KDR: variants seen among roughly 807,000 people sequenced by gnomAD.
KDR encodes kinase insert domain receptor.
Under a neutral mutation model 160.9 loss-of-function variants are expected in KDR, and 43 were observed. That is an observed-to-expected ratio of 0.27 (90% CI 0.21 to 0.34). The LOEUF (loss-of-function observed/expected upper bound fraction) is 0.34, where lower values mean the gene tolerates loss of function less well. Ranked by LOEUF, KDR falls within the 10% of genes least tolerant of loss-of-function variation. The pLI, the probability that KDR is intolerant of heterozygous loss-of-function variation, is 1.00. For synonymous variants in KDR, 617 were observed against 600.1 expected, an observed-to-expected ratio of 1.03 and a Z score of -0.41; for missense variants, 1,469 against 1,666.4, an observed-to-expected ratio of 0.88 and a Z score of 2.06.
chr4:55,091,372 G>C (rs1344882401), intron 22 of KDR, among the ~76,000 whole-genome samples: 1 of 152,138 alleles, frequency 6.6e-6, no homozygotes, highest in Admixed American at 6.5e-5. Flanking sequence ...CGACAACCAA[G>C]TGGATTCAAG....
intron 6 of KDR, 67 bp from the exon 7 acceptor site, chr4:55,113,548 C>T (rs1720651783): frequency 7.2e-7 from 1 of 1,395,386 alleles, no homozygotes; most frequent in Non-Finnish European, 1.0e-6. Context: ...CTTCTAGTAA[C>T]ACACAGAATT....
chr4:55,098,698 C>G lies in KDR; in HGVS notation c.2372G>C (p.Arg791Pro). ...LLVIILRTVK[R>P]ANGGELKTGY... The stretch of plus-strand genomic sequence containing the variant: ...GCAGAAGGGAAATTATTTTTTTACC[C>G]GCTTAACGGTCCGTAGGATGATGAC... The change falls in exon 16 of 30, where the codon CGG (arginine) becomes CCG (proline). Residue 791 changes from arginine (R) to proline (P), a missense_variant and splice_region_variant. Physicochemically the swap from Arg to Pro is moderately radical, Grantham distance 103. Around this residue, in one of 7 missense-constraint regions of KDR, gnomAD observed 118 missense variants for 110.8 expected, o/e 1.06. Coordinates refer to ENST00000263923, the MANE Select transcript of KDR (RefSeq NM_002253.4). 6.2e-7 allele frequency: 1 copy of G among 1,608,508 alleles called. No individual in the cohort carries two copies. The highest frequency in any genetic ancestry group is 8.5e-7 in the Non-Finnish European group (1 of 1,175,136).
intron 13 of KDR, among the ~76,000 whole-genome samples, chr4:55,103,760 G>A (rs1720370016): frequency 6.6e-6 from 1 of 151,938 alleles, no homozygotes; most frequent in Non-Finnish European, 1.5e-5. Flanking sequence ...ATTTACTTGG[G>A]CAATTTCCTT....
At chr4:55,089,908 T>G (rs1719966040) in intron 23 of KDR, 48 bp downstream of exon 23, 1 of 1,612,152 alleles carries the variant, frequency 6.2e-7, no homozygotes. Context: ...TACGAGGAGT[T>G]TTAATTCTGT....
chr4:55,113,530 C>G, intron 6 of KDR, 49 bp from the exon 7 acceptor site: 1 of 1,511,486 alleles, frequency 6.6e-7, no homozygotes, highest in Non-Finnish European at 9.2e-7. Context: ...TATAACATTA[C>G]CCAATAACTT....
rs923455456 is a variant in KDR at position 55,079,391 on chromosome 4, T to C, written c.*550A>G. 2.8e-5 allele frequency: 7 copies of C among 248,940 alleles called. No individual in the cohort carries two copies. The highest frequency in any genetic ancestry group is 5.5e-5 in the Non-Finnish European group (7 of 126,412). The allele number at this position is 248,940 out of a possible 1,614,324, so 15.4% of individuals were successfully genotyped here. The stretch of plus-strand genomic sequence containing the variant: ...CCCACCTCCACCAGAGCAAACACAA[T>C]GCATTTGCAGGCTCCAGTACTCTCC... On this transcript the variant is annotated 3_prime_UTR_variant, in exon 30 of 30. Coordinates refer to ENST00000263923, the MANE Select transcript of KDR (RefSeq NM_002253.4).
At chr4:55,094,385 G>C (rs1418646025) in intron 21 of KDR, among the ~76,000 whole-genome samples, 2 of 152,140 alleles carry the variant, frequency 1.3e-5, no homozygotes, top group African/African-American at 4.8e-5. Context: ...CCTTTGAGAA[G>C]GTTAGGTATA....
intron 15 of KDR, among the ~76,000 whole-genome samples, chr4:55,099,037 A>G (rs1720241909): frequency 6.7e-6 from 1 of 149,524 alleles, no homozygotes; most frequent in African/African-American, 2.5e-5. Context: ...ATTTTTAGAG[A>G]CAGGGTTTCT....
intron 7 of KDR, among the ~76,000 whole-genome samples, chr4:55,111,729 T>G (rs928749206): frequency 6.6e-6 from 1 of 152,362 alleles, no homozygotes; most frequent in African/African-American, 2.4e-5. Flanking sequence ...TTAAATAAAT[T>G]TAGGACACTT....
chr4:55,093,942 A>G (rs952377144), intron 21 of KDR, among the ~76,000 whole-genome samples: 1 of 152,152 alleles, frequency 6.6e-6, no homozygotes, highest in African/African-American at 2.4e-5. Flanking sequence ...GCTTACGCCT[A>G]TAATCCCAGC....
Position 55,078,610 on chromosome 4 carries a change from A to G in KDR, c.*1331T>C. 1 of 232,762 alleles carries G rather than the reference A, an allele frequency of 4.3e-6. No individual in the cohort carries two copies. Among genetic ancestry groups the G allele is most frequent in the Middle Eastern group, 1.3e-3 (1 of 782 alleles). The allele number at this position is 232,762 out of a possible 1,614,324, so 14.4% of individuals were successfully genotyped here. A position where few individuals can be genotyped will look rare whatever the true frequency, so the allele number is the denominator to read the frequency against. ...TTCATTATATATAAGGCTTTAATAT[A>G]TTACATTTGTTTCTACATAAACAGA... On this transcript the variant is annotated 3_prime_UTR_variant, in exon 30 of 30. Coordinates refer to ENST00000263923, the MANE Select transcript of KDR (RefSeq NM_002253.4).
chr4:55,107,850 A>G lies in KDR; in HGVS notation c.1299T>C (p.Asp433=). 1 of 1,613,968 alleles carries G rather than the reference A, an allele frequency of 6.2e-7. No individual in the cohort carries two copies. Among genetic ancestry groups the G allele is most frequent in the Non-Finnish European group, 8.5e-7 (1 of 1,179,924 alleles). Residue 433 remains aspartate, a synonymous_variant, in exon 10 of 30, where the codon GAT becomes GAC. Transcript: ENST00000263923. ...IGEKSLISPV[D]SYQYGTTQTL... ...TTTGAGTGGTGCCGTACTGGTAGGA[A>G]TCCACAGGAGAGATTAGAGATTTCT...
chr4:55,085,619 G>A (rs555692700), intron 27 of KDR, among the ~76,000 whole-genome samples: 12 of 152,316 alleles, frequency 7.9e-5, no homozygotes, highest in African/African-American at 1.2e-4. Context: ...AAATGTGACC[G>A]TGAGTTTTAT....
chr4:55,116,164 C>T (rs567205045), intron 3 of KDR, among the ~76,000 whole-genome samples: 2 of 152,284 alleles, frequency 1.3e-5, no homozygotes, highest in South Asian at 2.1e-4. Context: ...CGCCTGTAAT[C>T]CCAGCACTTT....
At chr4:55,105,562 G>A (rs1720427300) in intron 12 of KDR, among the ~76,000 whole-genome samples, 1 of 152,182 alleles carries the variant, frequency 6.6e-6, no homozygotes, top group African/African-American at 2.4e-5. Flanking sequence ...AGACTCTGAA[G>A]ACTGAGATGT....
intron 5 of KDR, 132 bp downstream of exon 5, chr4:55,114,742 C>T: frequency 1.3e-6 from 1 of 769,706 alleles, no homozygotes; most frequent in Non-Finnish European, 2.2e-6. Context: ...TAGAGAAGAG[C>T]AGATGAATTG....
chr4:55,084,517 T>C (rs141002698), intron 27 of KDR, among the ~76,000 whole-genome samples: 3 of 152,316 alleles, frequency 2.0e-5, no homozygotes, highest in East Asian at 1.9e-4. Flanking sequence ...CCTCTCATGA[T>C]TGACAAAGCA....
chr4:55,084,072 C>G lies in KDR; in HGVS notation c.3663-1437G>C, dbSNP rs551475481. ...TCTCATGATGTGTTCACCACGGTAC[C>G]TCTCTAGGGGTGAGTATTACTATCC... On this transcript the variant is annotated intron_variant, in intron 27 of 29. Transcript: ENST00000263923. Among the ~76,000 whole-genome samples, 23 of 152,296 alleles carry G rather than the reference C, an allele frequency of 1.5e-4. No individual in the cohort carries two copies. The South Asian group carries it at 2.7e-3, about 18-fold the overall frequency.
rs548382655 is a variant in KDR, at chr4:55,113,403, T to C, written c.877A>G (p.Thr293Ala). 5 of 1,614,048 alleles carry C rather than the reference T, an allele frequency of 3.1e-6. No homozygotes were observed. Among genetic ancestry groups the C allele is most frequent in the African/African-American group, 2.7e-5 (2 of 75,022 alleles). Residue 293 changes from threonine (T) to alanine (A), a missense_variant, in exon 7 of 30, where the codon ACT (threonine) becomes GCT (alanine). This residue lies in a region of KDR where 792 missense variants were observed against 840.9 expected (regional missense o/e 0.94). Transcript: ENST00000263923. ...TCACTCCGGGTTACACCATCTATAG[T>C]TAAGGTGCTCAAAAATTTCTTCATC... Reference protein sequence around the residue: ...SEMKKFLSTLTIDGVTRSDQG... With the variant: ...SEMKKFLSTLAIDGVTRSDQG...
Sources: allele counts gnomAD v4.1 joint callset (sites outside exome capture counted in the v4.1 genomes callset), GRCh38; gene constraint gnomAD v4.1.1; regional missense constraint gnomAD v4.1.1; transcripts MANE v1.5; gene names NCBI Gene and HGNC (gene_info 2026-07-23, HGNC 2026-07-21).